The following SCCPDH variants were observed in gnomAD, a reference collection of about 807,000 sequenced individuals.
SCCPDH encodes the protein saccharopine dehydrogenase-like oxidoreductase.
Under a neutral mutation model 51.5 loss-of-function variants are expected in SCCPDH, and 34 were observed. The observed-to-expected ratio is 0.66, with a 90% CI of 0.50 to 0.88. SCCPDH has a LOEUF of 0.88. SCCPDH is among the 40% of genes least tolerant of loss of function. The pLI is 0.00. For synonymous variants in SCCPDH, 187 were observed against 191.3 expected (o/e 0.98, Z 0.19); for missense variants, 464 against 527.1 (o/e 0.88, Z 1.17).
chr1:246,739,743 A>G (rs932789277), intron 3 of SCCPDH, among the ~76,000 whole-genome samples: 1 of 152,204 alleles, frequency 6.6e-6, no homozygotes, highest in African/African-American at 2.4e-5. Flanking sequence ...GCAGAAGAGC[A>G]GAGCAGACAT....
Position 246,764,373 on chromosome 1 carries a change from C to T in SCCPDH, c.1102+16C>T, listed in dbSNP as rs751490206. On this transcript the variant is annotated intron_variant, in intron 10 of 11. Coordinates refer to ENST00000366510, the MANE Select transcript of SCCPDH (RefSeq NM_016002.3). ...AAAGGACCAGGTATTTCACATATCA[C>T]TTAAGAATGCTTGGGAATTTTATAC... is the stretch of plus-strand genomic sequence containing the variant. 2 of 1,427,972 alleles carry T rather than the reference C, an allele frequency of 1.4e-6. No individual in the cohort carries two copies. The highest frequency in any genetic ancestry group is 2.4e-5 in the South Asian group (2 of 85,094). The allele number at this position is 1,427,972 out of a possible 1,614,324, so 88.5% of individuals were successfully genotyped here.
At chr1:246,743,270 C>G (rs1668706460) in intron 4 of SCCPDH, among the ~76,000 whole-genome samples, 1 of 152,106 alleles carries the variant, frequency 6.6e-6, no homozygotes, top group Non-Finnish European at 1.5e-5. Context: ...ATACATGCCA[C>G]TGCAGCTGGC....
At chr1:246,753,703 C>T (rs913945678) in intron 5 of SCCPDH, among the ~76,000 whole-genome samples, 19 of 151,780 alleles carry the variant, frequency 1.3e-4, no homozygotes, top group African/African-American at 2.7e-4. Flanking sequence ...CATAGCAGTT[C>T]GACGGATCGT....
chr1:246,748,283 T>A (rs1229379870), intron 5 of SCCPDH, among the ~76,000 whole-genome samples: 1 of 152,104 alleles, frequency 6.6e-6, no homozygotes, highest in Non-Finnish European at 1.5e-5. Context: ...GAATTGAGGC[T>A]GAGTTCTTTC....
At chr1:246,733,478 GCAT>G (rs1165314498) in intron 2 of SCCPDH, among the ~76,000 whole-genome samples, 1 of 134,528 alleles carries the variant, frequency 7.4e-6, no homozygotes, top group Admixed American at 7.9e-5. Flanking sequence ...ATAGTCCGTA[GCAT>G]CATATTTTAT....
At chr1:246,732,483 GT>G (rs796782763) in intron 2 of SCCPDH, among the ~76,000 whole-genome samples, 55 of 152,212 alleles carry the variant, frequency 3.6e-4, no homozygotes, top group African/African-American at 1.3e-3. Flanking sequence ...CACCTCCCGG[GT>G]TCAAGCAATT....
At position 246,724,546 on chromosome 1, in the gene SCCPDH, T is replaced by C. The variant is rs1668357926; in HGVS notation, c.124T>C (p.Trp42Arg). 6.5e-7 allele frequency: 1 copy of C among 1,549,260 alleles called. No homozygotes were observed. The highest frequency in any genetic ancestry group is 8.7e-7 in the Non-Finnish European group (1 of 1,150,298). ...CCCGGAGCGGAGCTCCCGCCTGCCCTGGGCCGTGGCGGGCCGCTCCCGGGA... is the reference window on the plus strand; with the variant it reads ...CCCGGAGCGGAGCTCCCGCCTGCCCCGGGCCGTGGCGGGCCGCTCCCGGGA... Reference protein sequence around the residue: ...VDPERSSRLPWAVAGRSREKL... With the variant: ...VDPERSSRLPRAVAGRSREKL... Residue 42 changes from tryptophan to arginine, a missense_variant, in exon 1 of 12, where the codon TGG (tryptophan) becomes CGG (arginine). Trp to Arg is a moderately radical substitution (Grantham distance 101, BLOSUM62 -3). Coordinates refer to ENST00000366510, the MANE Select transcript of SCCPDH (RefSeq NM_016002.3).
intron 1 of SCCPDH, among the ~76,000 whole-genome samples, chr1:246,725,557 C>T (rs1668383670): frequency 6.6e-6 from 1 of 152,194 alleles, no homozygotes; most frequent in Non-Finnish European, 1.5e-5. Context: ...GTTTAATCTA[C>T]TTTCATACAA....
chr1:246,741,349 A>G (rs188380955), intron 4 of SCCPDH, among the ~76,000 whole-genome samples: 8 of 152,300 alleles, frequency 5.3e-5, no homozygotes, highest in Non-Finnish European at 1.0e-4. Context: ...TTTTTAAGAG[A>G]CAGGATCTTG....
At chr1:246,735,866 C>T in intron 2 of SCCPDH, 109 bp from the exon 3 acceptor site, 2 of 688,450 alleles carry the variant, frequency 2.9e-6, no homozygotes, top group Non-Finnish European at 5.0e-6. Context: ...ATTTTATTAA[C>T]AGTTGATTTC....
At chr1:246,750,388 C>T (rs1668833424) in intron 5 of SCCPDH, among the ~76,000 whole-genome samples, 2 of 152,158 alleles carry the variant, frequency 1.3e-5, no homozygotes, top group Admixed American at 6.5e-5. Flanking sequence ...ACCTATACAA[C>T]ACTTCGTAAG....
intron 2 of SCCPDH, among the ~76,000 whole-genome samples, chr1:246,733,213 A>G (rs565370630): frequency 3.7e-4 from 57 of 152,024 alleles, no homozygotes; most frequent in Middle Eastern, 6.8e-3. Flanking sequence ...CAGCCCTGAA[A>G]GTAGCTGGGA....
chr1:246,760,796 G>A (rs2102990564), intron 9 of SCCPDH, among the ~76,000 whole-genome samples: 1 of 152,300 alleles, frequency 6.6e-6, no homozygotes, highest in South Asian at 2.1e-4. Flanking sequence ...TCCCACTGCT[G>A]AACAGATGGT....
chr1:246,729,028 C>T (rs1268211229), intron 2 of SCCPDH, among the ~76,000 whole-genome samples: 1 of 152,136 alleles, frequency 6.6e-6, no homozygotes, highest in Non-Finnish European at 1.5e-5. Context: ...CGTGGTGCCC[C>T]TTGAGCTGCA....
chr1:246,746,132 A>AG (rs1558170619), intron 5 of SCCPDH, among the ~76,000 whole-genome samples: 3 of 149,002 alleles, frequency 2.0e-5, no homozygotes, highest in South Asian at 4.2e-4. Flanking sequence ...AAAAAAAAAA[A>AG]GAAGGAAGGG....
chr1:246,734,812 A>G (rs1668544229), intron 2 of SCCPDH, among the ~76,000 whole-genome samples: 1 of 152,218 alleles, frequency 6.6e-6, no homozygotes. Context: ...AAGATTTGTC[A>G]TGCTTCTTTG....
At chr1:246,760,431 A>G (rs893827079) in intron 9 of SCCPDH, among the ~76,000 whole-genome samples, 1 of 152,174 alleles carries the variant, frequency 6.6e-6, no homozygotes, top group African/African-American at 2.4e-5. Flanking sequence ...AGGCACACAG[A>G]GGCTAAGAAA....
intron 9 of SCCPDH, among the ~76,000 whole-genome samples, chr1:246,760,895 C>T (rs1669003062): frequency 6.6e-6 from 1 of 152,202 alleles, no homozygotes; most frequent in East Asian, 1.9e-4. Context: ...CTTATCTCCT[C>T]TCAGTGGCTT....
intron 10 of SCCPDH, among the ~76,000 whole-genome samples, 166 bp from the exon 11 acceptor site, chr1:246,765,892 T>G (rs1007113134): frequency 5.9e-5 from 9 of 152,244 alleles, no homozygotes; most frequent in Non-Finnish European, 8.8e-5. Context: ...TTCCTAACAC[T>G]TAATAAATAC....
Sources: gnomAD v4.1 joint callset for allele counts (sites outside exome capture counted in the v4.1 genomes callset) on GRCh38, gnomAD v4.1.1 for gene constraint, MANE v1.5 for transcripts, NCBI Gene and HGNC (gene_info 2026-07-23, HGNC 2026-07-21) for gene names.